The following TMEM201 variants were observed in gnomAD, a reference collection of about 807,000 sequenced individuals.
TMEM201 encodes the protein RP13-15M17.2.
TMEM201 carries 26 observed loss-of-function variants against 63.4 expected under a neutral mutation model. The observed-to-expected ratio is 0.41, with a 90% CI of 0.30 to 0.57. The LOEUF is 0.57. Among genes scored for constraint, TMEM201 ranks in the 20% least tolerant of loss-of-function variants. The pLI, the probability that TMEM201 is intolerant of heterozygous loss-of-function variation, is 0.29. For synonymous variants in TMEM201, 417 were observed against 421.6 expected (o/e 0.99, Z 0.14); for missense variants, 794 against 917.7 (o/e 0.87, Z 1.74).
chr1:9,593,326 A>G (rs1444551522), intron 1 of TMEM201, among the ~76,000 whole-genome samples: 2 of 152,180 alleles, frequency 1.3e-5, no homozygotes, highest in Non-Finnish European at 2.9e-5. Flanking sequence ...CCAGCTCCCC[A>G]TCGACCCCTG....
chr1:9,604,274 C>T lies in TMEM201; in HGVS notation c.1160+2002C>T, dbSNP rs529479894. ...ATTTATAATAACCAGAGCCAGCCCT[C>T]GCGCTGGCCAGGATCCTCCTGCCGA... On this transcript the variant is annotated intron_variant, in intron 6 of 10. Coordinates refer to ENST00000340381, the MANE Select transcript of TMEM201 (RefSeq NM_001130924.3). The surrounding 1 kb of genome is among the most constrained non-coding windows in gnomAD (Gnocchi z 4.1). 2.0e-6 allele frequency: 2 copies of T among 985,440 alleles called. No homozygotes were observed. The highest frequency in any genetic ancestry group is 6.1e-5 in the Admixed American group (1 of 16,282). 61.0% of individuals were successfully genotyped at this position (985,440 alleles called of 1,614,324 possible).
At chr1:9,612,276 A>C (rs149516745) in intron 10 of TMEM201, among the ~76,000 whole-genome samples, 1 of 152,314 alleles carries the variant, frequency 6.6e-6, no homozygotes, top group East Asian at 1.9e-4. Context: ...TCCTGGCCGG[A>C]AGTGCCCAGA....
chr1:9,597,907 G>A (rs1644055513), intron 3 of TMEM201, among the ~76,000 whole-genome samples: 1 of 152,230 alleles, frequency 6.6e-6, no homozygotes, highest in African/African-American at 2.4e-5. Flanking sequence ...AAACAGGGAG[G>A]GAGAGTTGCA....
rs1644269346 is a variant in TMEM201 at position 9,607,826 on chromosome 1, TA to T, written c.1393+38del. On this transcript the variant is annotated intron_variant, in intron 7 of 10. Transcript: ENST00000340381. This position sits in a 1 kb window ranked among gnomAD's most constrained non-coding sequence, Gnocchi z 5.4. ...CCAGGCATTGGCAGACAGTCAGGGC[TA>T]GGGGCAGCTGGGACAGAACTGTGGA... 6.5e-7 allele frequency: 1 copy of T among 1,536,894 alleles called. No homozygotes were observed. The highest frequency in any genetic ancestry group is 8.8e-7 in the Non-Finnish European group (1 of 1,136,230).
chr1:9,609,959 G>C (rs1333590033), intron 8 of TMEM201, 48 bp downstream of exon 8: 2 of 1,524,710 alleles, frequency 1.3e-6, no homozygotes, highest in Admixed American at 2.0e-5. Context: ...CATGAAGCCC[G>C]GGCGTTCCAG....
chr1:9,602,468 T>C, intron 6 of TMEM201, 196 bp downstream of exon 6: 1 of 1,435,046 alleles, frequency 7.0e-7, no homozygotes, highest in Non-Finnish European at 9.1e-7. Flanking sequence ...CCTTTTCCTT[T>C]CGGGCACCAC....
chr1:9,611,301 G>A (rs1243635386), intron 9 of TMEM201, among the ~76,000 whole-genome samples: 1 of 151,674 alleles, frequency 6.6e-6, no homozygotes, highest in Admixed American at 6.6e-5. Context: ...GGGTTCAAGA[G>A]ATTGTCCTGC....
chr1:9,593,873 C>T (rs1394181081), intron 1 of TMEM201, among the ~76,000 whole-genome samples: 1 of 152,204 alleles, frequency 6.6e-6, no homozygotes, highest in Admixed American at 6.5e-5. Context: ...TCAGGACACG[C>T]CCCCATGCAC....
intron 10 of TMEM201, among the ~76,000 whole-genome samples, 172 bp from the exon 11 acceptor site, chr1:9,612,814 G>A (rs1410425029): frequency 1.3e-5 from 2 of 152,196 alleles, no homozygotes; most frequent in African/African-American, 4.8e-5. Context: ...GGTCTTTCCT[G>A]CTAGGGAAGC....
chr1:9,612,930 C>A, intron 10 of TMEM201, 56 bp from the exon 11 acceptor site: 1 of 1,477,286 alleles, frequency 6.8e-7, no homozygotes, highest in Non-Finnish European at 9.3e-7. Flanking sequence ...GGCTGCTCAG[C>A]TGCACAGCGA....
intron 10 of TMEM201, among the ~76,000 whole-genome samples, chr1:9,612,708 C>T (rs1644341392): frequency 6.6e-6 from 1 of 152,186 alleles, no homozygotes; most frequent in Non-Finnish European, 1.5e-5. Context: ...GTCACTGCCT[C>T]ATCACCCAGG....
At position 9,604,719 on chromosome 1, in the gene TMEM201, G is replaced by A; in HGVS notation, c.1160+2447G>A. 1 of 985,982 alleles carries A rather than the reference G, an allele frequency of 1.0e-6. No homozygotes were observed. The highest frequency in any genetic ancestry group is 1.2e-6 in the Non-Finnish European group (1 of 830,056). 61.1% of individuals were successfully genotyped at this position (985,982 alleles called of 1,614,324 possible). A position where few individuals can be genotyped will look rare whatever the true frequency, so the allele number is the denominator to read the frequency against. On this transcript the variant is annotated intron_variant, in intron 6 of 10. Coordinates refer to ENST00000340381, the MANE Select transcript of TMEM201 (RefSeq NM_001130924.3). The surrounding 1 kb of genome is among the most constrained non-coding windows in gnomAD (Gnocchi z 4.1). ...GCCGGCCCCCCGTACCCCTTGCCTGGGAGCAAACCGCCAGGACGCAGCCTC... is the reference window on the plus strand; with the variant it reads ...GCCGGCCCCCCGTACCCCTTGCCTGAGAGCAAACCGCCAGGACGCAGCCTC...
intron 2 of TMEM201, among the ~76,000 whole-genome samples, 200 bp downstream of exon 2, chr1:9,596,210 T>C (rs1013120952): frequency 3.9e-5 from 6 of 152,206 alleles, no homozygotes; most frequent in Admixed American, 2.6e-4. Context: ...TGGCGCTGTC[T>C]CCTCACTTGA....
chr1:9,596,034 G>A (rs754048463), intron 2 of TMEM201, 24 bp downstream of exon 2: 4 of 1,608,558 alleles, frequency 2.5e-6, no homozygotes, highest in Non-Finnish European at 3.4e-6. Flanking sequence ...GCAGGCGGAC[G>A]GGTGGGCACG....
intron 2 of TMEM201, 95 bp downstream of exon 2, chr1:9,596,105 G>A: frequency 1.3e-6 from 2 of 1,496,850 alleles, no homozygotes; most frequent in South Asian, 1.2e-5. Flanking sequence ...CCCTGCCCCG[G>A]GGCTCATGGA....
At chr1:9,596,056 A>T in intron 2 of TMEM201, 46 bp downstream of exon 2, 1 of 1,595,976 alleles carries the variant, frequency 6.3e-7, no homozygotes, top group Non-Finnish European at 8.5e-7. Flanking sequence ...GGGGGTGGGG[A>T]TCTTGAGATT....
At position 9,601,316 on chromosome 1, in the gene TMEM201, A is replaced by T; in HGVS notation, c.818A>T (p.Gln273Leu). Residue 273 changes from glutamine (Q) to leucine (L), a missense_variant, in exon 5 of 11, where the codon CAG becomes CTG. Transcript: ENST00000340381. ...GTTPGAEGWR[Q>L]LLGLLPEHMA... is the part of the protein sequence containing the mutation. ...ACCCCTGGGGCCGAGGGCTGGCGGC[A>T]GTTGCTGGGCCTACTCCCCGAGCAC... is the stretch of plus-strand genomic sequence containing the variant. 1.9e-6 allele frequency: 3 copies of T among 1,609,572 alleles called. No individual in the cohort carries two copies. Among genetic ancestry groups the T allele is most frequent in the Non-Finnish European group, 2.5e-6 (3 of 1,179,864 alleles).
At position 9,602,174 on chromosome 1, in the gene TMEM201, G is replaced by C; in HGVS notation, c.1062G>C (p.Thr354=). 2 of 1,613,188 alleles carry C rather than the reference G, an allele frequency of 1.2e-6. No homozygotes were observed. The highest frequency in any genetic ancestry group is 1.7e-6 in the Non-Finnish European group (2 of 1,180,018). The part of the protein sequence containing the change: ...LQAASPSWLD[T]LKFSTTSLCC... ...CCGCCTCGCCTAGCTGGCTAGACAC[G>C]CTCAAGTTCAGCACCACATCTTTGT... Residue 354 remains threonine, a synonymous_variant, in exon 6 of 11, where the codon ACG becomes ACC. Transcript: ENST00000340381.
chr1:9,601,537 C>T (rs1444239729), intron 5 of TMEM201, 83 bp downstream of exon 5: 2 of 1,311,576 alleles, frequency 1.5e-6, no homozygotes, highest in Non-Finnish European at 2.1e-6. Flanking sequence ...CAAGAGACCC[C>T]ATTGGGTGCA....
Sources: gnomAD v4.1 joint callset for allele counts (sites outside exome capture counted in the v4.1 genomes callset) on GRCh38, gnomAD v4.1.1 for gene constraint, Gnocchi (gnomAD v3.1) non-coding constraint, MANE v1.5 for transcripts, NCBI Gene and HGNC (gene_info 2026-07-23, HGNC 2026-07-21) for gene names.